CCDC158: variants seen among roughly 807,000 people sequenced by gnomAD.
CCDC158 encodes coiled-coil domain-containing protein 158.
In CCDC158, 116 loss-of-function variants were observed where a neutral mutation model predicts 138.6. The observed-to-expected ratio is 0.84, with a 90% CI of 0.72 to 0.98. The LOEUF is 0.98. CCDC158 is among the 50% of genes least tolerant of loss of function. The probability of loss-of-function intolerance (pLI) is 0.00; values close to 1 mark genes in which losing one functional copy is unlikely to be tolerated. For synonymous variants in CCDC158, 436 were observed against 442.4 expected (o/e 0.99, Z 0.18); for missense variants, 1,265 against 1,306.1 (o/e 0.97, Z 0.48).
chr4:76,385,752 A>G (rs182486439), intron 4 of CCDC158, among the ~76,000 whole-genome samples: 5 of 152,244 alleles, frequency 3.3e-5, no homozygotes, highest in African/African-American at 1.2e-4. Flanking sequence ...GCACACATCT[A>G]CAGACGAACA....
chr4:76,342,086 T>A (rs1314355741), intron 18 of CCDC158, among the ~76,000 whole-genome samples: 1 of 152,108 alleles, frequency 6.6e-6, no homozygotes, highest in Admixed American at 6.6e-5. Context: ...ATTTTTTTTT[T>A]GAGAGAGAGA....
chr4:76,315,549 T>C (rs986607307), intron 24 of CCDC158, among the ~76,000 whole-genome samples: 2 of 152,196 alleles, frequency 1.3e-5, no homozygotes, highest in African/African-American at 4.8e-5. Context: ...AGAATAACCC[T>C]GCACCAAGGA....
At chr4:76,367,190 C>T in intron 12 of CCDC158, 104 bp downstream of exon 12, 1 of 1,252,208 alleles carries the variant, frequency 8.0e-7, no homozygotes, top group Non-Finnish European at 1.1e-6. Flanking sequence ...CACCTTCCAA[C>T]AGTTTCAGAG....
chr4:76,384,401 T>C lies in CCDC158; in HGVS notation c.413A>G (p.Gln138Arg), dbSNP rs374982571. ...CTGATTTCTTAAATCCTCCTGGGACTGACTCTCCCTTCGTCTATGAAATAA... is the reference window on the plus strand; with the variant it reads ...CTGATTTCTTAAATCCTCCTGGGACCGACTCTCCCTTCGTCTATGAAATAA... ...AMADIRRRES[Q>R]SQEDLRNQLQ... Residue 138 changes from glutamine to arginine, a missense_variant, in exon 6 of 25, where the codon CAG becomes CGG. Coordinates refer to ENST00000682701, the MANE Select transcript of CCDC158 (RefSeq NM_001394954.1). 4.3e-6 allele frequency: 7 copies of C among 1,611,588 alleles called. No individual in the cohort carries two copies. In the African/African-American group the frequency reaches 8.0e-5, roughly 18 times the overall value.
chr4:76,367,894 CTTTTT>C, intron 11 of CCDC158, 118 bp from the exon 12 acceptor site: 5 of 684,950 alleles, frequency 7.3e-6, no homozygotes, highest in Non-Finnish European at 1.1e-5. Context: ...TTAGTAAGAT[CTTTTT>C]TTTTTTTTTT....
At chr4:76,418,178 C>A (rs1729847833) in intron 1 of CCDC158, among the ~76,000 whole-genome samples, 1 of 152,130 alleles carries the variant, frequency 6.6e-6, no homozygotes, top group South Asian at 2.1e-4. Flanking sequence ...GAAGCTGGGG[C>A]TAGCTATAAA....
intron 12 of CCDC158, among the ~76,000 whole-genome samples, chr4:76,365,553 A>G (rs3849577): frequency 0.33 from 49,779 of 151,884 alleles, 9,583 homozygotes; most frequent in Non-Finnish European, 0.44. Context: ...CTCCCACACC[A>G]TCTCTAGGCT....
At chr4:76,331,303 G>T (rs79867003) in intron 21 of CCDC158, 41 bp downstream of exon 21, 2 of 1,545,842 alleles carry the variant, frequency 1.3e-6, no homozygotes, top group Non-Finnish European at 1.8e-6. Flanking sequence ...ATGAACAGTC[G>T]TAAAAGGGAC....
At chr4:76,318,955 C>T (rs1719673325) in intron 24 of CCDC158, among the ~76,000 whole-genome samples, 1 of 152,164 alleles carries the variant, frequency 6.6e-6, no homozygotes, top group Admixed American at 6.5e-5. Context: ...TGGTGAAACC[C>T]CATCACTACT....
At chr4:76,417,344 T>C (rs569873425) in intron 1 of CCDC158, among the ~76,000 whole-genome samples, 1 of 152,246 alleles carries the variant, frequency 6.6e-6, no homozygotes, top group Non-Finnish European at 1.5e-5. Context: ...ACTTGGCTCG[T>C]CTCAGATGAG....
intron 2 of CCDC158, among the ~76,000 whole-genome samples, chr4:76,409,111 G>T (rs1412723981): frequency 6.6e-6 from 1 of 152,128 alleles, no homozygotes; most frequent in African/African-American, 2.4e-5. Context: ...TAGTTATTTT[G>T]TGTGTGTATT....
chr4:76,419,514 GGCTC>G (rs1729947958), intron 1 of CCDC158, among the ~76,000 whole-genome samples: 1 of 152,092 alleles, frequency 6.6e-6, no homozygotes, highest in Admixed American at 6.5e-5. Flanking sequence ...GTGTTGGCAG[GGCTC>G]CCTCCCTCCC....
intron 18 of CCDC158, among the ~76,000 whole-genome samples, chr4:76,336,178 T>C (rs1721473833): frequency 2.5e-5 from 1 of 40,136 alleles, no homozygotes; most frequent in Non-Finnish European, 4.3e-5. Flanking sequence ...TGAGACTCTG[T>C]CTCAAAAAAA....
intron 2 of CCDC158, among the ~76,000 whole-genome samples, chr4:76,410,345 C>A (rs886375443): frequency 2.6e-5 from 4 of 151,898 alleles, no homozygotes; most frequent in African/African-American, 9.7e-5. Flanking sequence ...GCACCTTGCC[C>A]AACTAATTTT....
chr4:76,376,179 T>C (rs1399624550), intron 9 of CCDC158, among the ~76,000 whole-genome samples: 1 of 152,100 alleles, frequency 6.6e-6, no homozygotes, highest in African/African-American at 2.4e-5. Context: ...TTAGCCTTTC[T>C]AGTAGCGAGA....
intron 8 of CCDC158, among the ~76,000 whole-genome samples, chr4:76,382,090 T>C (rs773341222): frequency 3.5e-4 from 53 of 152,310 alleles, no homozygotes; most frequent in South Asian, 8.3e-4. Context: ...AACTGGATCA[T>C]GGGGACAGAT....
chr4:76,353,330 T>C (rs763704841), intron 15 of CCDC158, 49 bp from the exon 16 acceptor site: 14 of 1,409,022 alleles, frequency 9.9e-6, no homozygotes, highest in East Asian at 4.7e-5. Flanking sequence ...TTGATGTAGA[T>C]GCTGAAAGGT....
At position 76,384,447 on chromosome 4, in the gene CCDC158, T is replaced by C. The variant is rs151255357; in HGVS notation, c.399-32A>G. 48 of 1,580,738 alleles carry C rather than the reference T, an allele frequency of 3.0e-5. No individual in the cohort carries two copies. The South Asian group carries it at 4.9e-4, about 16-fold the overall frequency. On this transcript the variant is annotated intron_variant, in intron 5 of 24. Transcript: ENST00000682701. The stretch of plus-strand genomic sequence containing the variant: ...AATAAATGAAAGAAAATAAATAACA[T>C]TGATAAAACTCATATTCACACAAGT...
chr4:76,401,028 C>T (rs899310896), intron 3 of CCDC158, among the ~76,000 whole-genome samples: 1 of 152,096 alleles, frequency 6.6e-6, no homozygotes, highest in Non-Finnish European at 1.5e-5. Context: ...TTAAAAAAAA[C>T]CCAGCGGTGC....
Sources: gnomAD v4.1 joint callset for allele counts (sites outside exome capture counted in the v4.1 genomes callset) on GRCh38, gnomAD v4.1.1 for gene constraint, MANE v1.5 for transcripts, NCBI Gene and HGNC (gene_info 2026-07-23, HGNC 2026-07-21) for gene names.